Variants in DLC1 observed in about 807,000 individuals in gnomAD.
DLC1 encodes the protein DLC1 Rho GTPase activating protein, also known as rho GTPase-activating protein 7.
In DLC1, 54 loss-of-function variants were observed where a neutral mutation model predicts 140.3. The observed-to-expected ratio is 0.38, with a 90% CI of 0.31 to 0.48. The LOEUF (loss-of-function observed/expected upper bound fraction) is 0.48, where lower values mean the gene tolerates loss of function less well. DLC1 is among the 20% of genes least tolerant of loss of function. The pLI is 0.96. For synonymous variants in DLC1, 986 were observed against 728.1 expected (o/e 1.35, Z -5.70); for missense variants, 2,536 against 1,907.0 (o/e 1.33, Z -6.14).
In DLC1 at chr8:13,567,706, G is replaced by C; in HGVS notation, c.-126+36831C>G. The C allele has an allele frequency of 5.2e-6, 8 of 1,551,980 alleles. No individual in the cohort carries two copies. In the South Asian group the frequency reaches 8.3e-5, roughly 16 times the overall value. On this transcript the variant is annotated intron_variant, in intron 1 of 1. Coordinates refer to the DLC1 transcript ENST00000631382. ...AATAGATGAACATCTTCATACCAAAGACTTTCTCACCCGTATTGGAGAAGC... is the reference window on the plus strand; with the variant it reads ...AATAGATGAACATCTTCATACCAAACACTTTCTCACCCGTATTGGAGAAGC...
At chr8:13,133,315 G>C (rs1822284906) in intron 5 of DLC1, 2 of 1,203,174 alleles carry the variant, frequency 1.7e-6, no homozygotes, top group Non-Finnish European at 2.1e-6. Flanking sequence ...CGCCAGCCGG[G>C]CCCTCCCGCT....
intron 5 of DLC1, among the ~76,000 whole-genome samples, chr8:13,200,168 G>C (rs1038433636): frequency 2.0e-5 from 3 of 152,000 alleles, no homozygotes; most frequent in Non-Finnish European, 4.4e-5. Flanking sequence ...TCTGCCTCCT[G>C]AGTAGCTGGA....
intron 1 of DLC1, among the ~76,000 whole-genome samples, chr8:13,579,357 A>ATTTTTT (rs1272877895): frequency 3.6e-5 from 1 of 27,566 alleles, no homozygotes; most frequent in Admixed American, 5.6e-4. Context: ...ATATATATAT[A>ATTTTTT]TATATTTTTA....
chr8:13,237,197 A>G (rs369710950), intron 5 of DLC1, among the ~76,000 whole-genome samples: 6,452 of 138,122 alleles, frequency 0.047, 316 homozygotes, highest in African/African-American at 0.12. Flanking sequence ...ATATATATAT[A>G]TGTGTGTGTG....
intron 2 of DLC1, among the ~76,000 whole-genome samples, chr8:13,434,445 G>T (rs1237680921): frequency 2.6e-5 from 4 of 152,096 alleles, no homozygotes; most frequent in Admixed American, 2.6e-4. Context: ...GTAAAAACGT[G>T]CAGGCATGAC....
intron 2 of DLC1, among the ~76,000 whole-genome samples, chr8:13,412,034 G>T (rs1020862386): frequency 6.6e-6 from 1 of 152,004 alleles, no homozygotes; most frequent in Non-Finnish European, 1.5e-5. Context: ...TGTCCACAAA[G>T]AAAAGATTGA....
Position 13,495,780 on chromosome 8 carries a change from A to G in DLC1, c.1023+3269T>C, listed in dbSNP as rs138505059. Among the ~76,000 whole-genome samples, 212 of 152,330 alleles carry G rather than the reference A, an allele frequency of 1.4e-3. 6 individuals carry two copies. In the East Asian group the frequency reaches 0.035, roughly 25 times the overall value. ...TGCCTGCTAAGATTTATGGGCTTCAAGGAAGGATAATTTTTATTAAAAGTA... is the reference window on the plus strand; with the variant it reads ...TGCCTGCTAAGATTTATGGGCTTCAGGGAAGGATAATTTTTATTAAAAGTA... On this transcript the variant is annotated intron_variant, in intron 2 of 17. Coordinates refer to ENST00000276297, the MANE Select transcript of DLC1 (RefSeq NM_182643.3).
chr8:13,549,869 C>G (rs1437489964), intron 1 of DLC1, among the ~76,000 whole-genome samples: 1 of 152,128 alleles, frequency 6.6e-6, no homozygotes, highest in Non-Finnish European at 1.5e-5. Context: ...TTATTTCTAT[C>G]CTTTCCACTG....
chr8:13,416,365 A>G lies in DLC1; in HGVS notation c.1024-14746T>C, dbSNP rs1838057762. ...AGGAAGTTGCAAAATGATGAATACCATGTGATGTGATTTGATATAAAATTC... is the reference window on the plus strand; with the variant it reads ...AGGAAGTTGCAAAATGATGAATACCGTGTGATGTGATTTGATATAAAATTC... On this transcript the variant is annotated intron_variant, in intron 2 of 17. Coordinates refer to ENST00000276297, the MANE Select transcript of DLC1 (RefSeq NM_182643.3). Among the ~76,000 whole-genome samples the G allele has an allele frequency of 2.6e-5, 4 of 152,244 alleles. No homozygotes were observed. In the South Asian group the frequency reaches 8.3e-4, roughly 31 times the overall value.
At chr8:13,498,884 A>G (rs1801636364) in intron 2 of DLC1, 165 bp downstream of exon 2, 1 of 681,426 alleles carries the variant, frequency 1.5e-6, no homozygotes, top group Non-Finnish European at 2.3e-6. Flanking sequence ...TAATTTTTAC[A>G]TATTTTGATG....
At chr8:13,289,637 T>A (rs964329271) in intron 5 of DLC1, among the ~76,000 whole-genome samples, 1 of 152,192 alleles carries the variant, frequency 6.6e-6, no homozygotes, top group Non-Finnish European at 1.5e-5. Flanking sequence ...AGACAAAAAT[T>A]CCTTTTATGT....
At chr8:13,115,565 A>C in intron 6 of DLC1, 21 bp downstream of exon 6, 1 of 1,609,222 alleles carries the variant, frequency 6.2e-7, no homozygotes, top group Non-Finnish European at 8.5e-7. Flanking sequence ...CAACTTTTAA[A>C]AAGTGGCATT....
At chr8:13,132,593 C>T (rs190566696) in intron 5 of DLC1, among the ~76,000 whole-genome samples, 179 of 152,222 alleles carry the variant, frequency 1.2e-3, no homozygotes, top group African/African-American at 3.9e-3. Context: ...GGTGTCGCCG[C>T]GCCCCTCGAG....
In DLC1 at chr8:13,091,374, G is replaced by C. The variant is rs764109507; in HGVS notation, c.3799C>G (p.Leu1267Val). Reference sequence around the variant, plus strand: ...TGGGCCAGCCCTTGAGTGGCAGCTAGGTTTTCATTCAAATCTTTCTGATCT... The same window carrying C: ...TGGGCCAGCCCTTGAGTGGCAGCTACGTTTTCATTCAAATCTTTCTGATCT... ...KPDQKDLNEN[L>V]AATQGLAHMI... The change falls in exon 14 of 18, where the codon CTA becomes GTA. Residue 1267 changes from leucine (L) to valine (V), a missense_variant. Coordinates refer to ENST00000276297, the MANE Select transcript of DLC1 (RefSeq NM_182643.3). 5.0e-6 allele frequency: 8 copies of C among 1,614,076 alleles called. No homozygotes were observed. In the South Asian group the frequency reaches 8.8e-5, roughly 18 times the overall value.
intron 6 of DLC1, among the ~76,000 whole-genome samples, chr8:13,115,198 A>G (rs943870427): frequency 1.3e-5 from 2 of 152,220 alleles, no homozygotes; most frequent in African/African-American, 2.4e-5. Flanking sequence ...AATCTTAACA[A>G]TACAATATTA....
At chr8:13,231,372 T>G (rs1585965702) in intron 5 of DLC1, among the ~76,000 whole-genome samples, 2 of 152,224 alleles carry the variant, frequency 1.3e-5, no homozygotes, top group East Asian at 3.9e-4. Context: ...CTGATGACTG[T>G]GTGCATTTGG....
At chr8:13,395,961 T>C (rs1837022583) in intron 3 of DLC1, among the ~76,000 whole-genome samples, 1 of 152,104 alleles carries the variant, frequency 6.6e-6, no homozygotes, top group African/African-American at 2.4e-5. Flanking sequence ...AGATAATTTA[T>C]AAACATTGAA....
At chr8:13,088,255 A>T (rs963295479) in intron 16 of DLC1, among the ~76,000 whole-genome samples, 21 of 152,036 alleles carry the variant, frequency 1.4e-4, no homozygotes, top group Admixed American at 1.1e-3. Flanking sequence ...GATTTTTAAA[A>T]TTTTTTTGTA....
intron 2 of DLC1, among the ~76,000 whole-genome samples, chr8:13,495,563 T>C (rs963873475): frequency 5.9e-5 from 9 of 152,192 alleles, no homozygotes; most frequent in African/African-American, 2.2e-4. Context: ...GAGGAATTAT[T>C]GGCTTAAAAG....
Sources: gnomAD v4.1 joint callset for allele counts (sites outside exome capture counted in the v4.1 genomes callset) on GRCh38, gnomAD v4.1.1 for gene constraint, MANE v1.5 for transcripts, NCBI Gene and HGNC (gene_info 2026-07-23, HGNC 2026-07-21) for gene names.